Variants in PEAK1 observed in about 807,000 individuals in gnomAD.
PEAK1 encodes the protein inactive tyrosine-protein kinase PEAK1.
A neutral mutation model predicts 124.7 loss-of-function variants in PEAK1; 54 were observed. The observed-to-expected ratio is 0.43, with a 90% CI of 0.35 to 0.54. The LOEUF is 0.54. Among genes scored for constraint, PEAK1 ranks in the 20% least tolerant of loss-of-function variants. The pLI, the probability that PEAK1 is intolerant of heterozygous loss-of-function variation, is 0.01. For missense variants in PEAK1, 2,046 were observed against 2,134.5 expected, an observed-to-expected ratio of 0.96 and a Z score of 0.82; for synonymous variants, 719 against 760.0, an observed-to-expected ratio of 0.95 and a Z score of 0.89.
Position 77,125,284 on chromosome 15 carries a change from A to T in PEAK1, c.4077+7721T>A, listed in dbSNP as rs76733171. Among the ~76,000 whole-genome samples, 444 of 152,322 alleles carry T rather than the reference A, an allele frequency of 2.9e-3. 2 individuals carry two copies. The highest frequency in any genetic ancestry group is 0.01 in the African/African-American group (426 of 41,578). On this transcript the variant is annotated intron_variant, in intron 9 of 9. Transcript: ENST00000682557. The stretch of plus-strand genomic sequence containing the variant: ...AGGAAGCATGTTTTTGTTTAATTAT[A>T]CAACTGTCTCATGATAATGCAATGA...
chr15:77,184,957 G>A (rs1330293773), intron 6 of PEAK1, among the ~76,000 whole-genome samples: 1 of 152,114 alleles, frequency 6.6e-6, no homozygotes, highest in Admixed American at 6.6e-5. Flanking sequence ...CAATAAACCT[G>A]ACTTTAAAAA....
At chr15:77,413,133 TC>T (rs2072549948) in intron 1 of PEAK1, among the ~76,000 whole-genome samples, 1 of 152,210 alleles carries the variant, frequency 6.6e-6, no homozygotes. Flanking sequence ...GCAGGCAAGA[TC>T]CACTAATGAA....
At chr15:77,333,796 T>C in intron 2 of PEAK1, 1 of 843,360 alleles carries the variant, frequency 1.2e-6, no homozygotes, top group Non-Finnish European at 1.4e-6. Context: ...ATGGTTTTAA[T>C]CATTGCAGAT....
At chr15:77,283,018 A>T (rs7495998) in intron 5 of PEAK1, among the ~76,000 whole-genome samples, 2 of 152,194 alleles carry the variant, frequency 1.3e-5, no homozygotes, top group Non-Finnish European at 2.9e-5. Context: ...TATCATTTTG[A>T]ATTCCATGGA....
At chr15:77,287,587 T>C (rs1410751333) in intron 2 of PEAK1, among the ~76,000 whole-genome samples, 1 of 152,096 alleles carries the variant, frequency 6.6e-6, no homozygotes, top group Non-Finnish European at 1.5e-5. Flanking sequence ...CCTTTCCTCC[T>C]AGGGTTCAGT....
chr15:77,150,910 T>C (rs1018408194), intron 8 of PEAK1, among the ~76,000 whole-genome samples: 4 of 152,132 alleles, frequency 2.6e-5, no homozygotes, highest in South Asian at 2.1e-4. Flanking sequence ...TCCAATCTAT[T>C]GTTGTTGGAC....
intron 2 of PEAK1, among the ~76,000 whole-genome samples, chr15:77,291,276 C>T (rs1187333942): frequency 6.6e-6 from 1 of 152,156 alleles, no homozygotes. Flanking sequence ...CTGATATGAA[C>T]CAACATTTGT....
At chr15:77,337,456 T>C in intron 2 of PEAK1, 2 of 978,274 alleles carry the variant, frequency 2.0e-6, no homozygotes, top group Non-Finnish European at 2.4e-6. Context: ...AATTAATAGG[T>C]CTGTAACATC....
At chr15:77,363,355 G>A (rs2068022049) in intron 2 of PEAK1, among the ~76,000 whole-genome samples, 1 of 152,148 alleles carries the variant, frequency 6.6e-6, no homozygotes, top group Non-Finnish European at 1.5e-5. Flanking sequence ...CCTTCATTCA[G>A]AAGTCTCTGT....
intron 2 of PEAK1, among the ~76,000 whole-genome samples, chr15:77,314,935 T>C (rs971307537): frequency 6.6e-6 from 1 of 152,080 alleles, no homozygotes; most frequent in African/African-American, 2.4e-5. Flanking sequence ...GCTGAAAAAC[T>C]ACCTACTGGC....
intron 2 of PEAK1, among the ~76,000 whole-genome samples, chr15:77,316,526 T>G (rs924065826): frequency 5.3e-5 from 8 of 152,236 alleles, no homozygotes; most frequent in African/African-American, 1.9e-4. Flanking sequence ...TGTACTGCTC[T>G]TTCCTAGTGC....
At chr15:77,158,174 T>C in intron 8 of PEAK1, 1 of 198,056 alleles carries the variant, frequency 5.0e-6, no homozygotes. Flanking sequence ...CTCTGTGTAA[T>C]ATTAAAAATA....
intron 6 of PEAK1, among the ~76,000 whole-genome samples, chr15:77,182,293 T>G (rs2057315191): frequency 6.6e-6 from 1 of 152,174 alleles, no homozygotes; most frequent in Admixed American, 6.5e-5. Context: ...TCTGTTGCAA[T>G]GATTCTGTGA....
At chr15:77,228,958 T>A in intron 6 of PEAK1, among the ~76,000 whole-genome samples, 1 of 152,140 alleles carries the variant, frequency 6.6e-6, no homozygotes, top group East Asian at 1.9e-4. Context: ...GGGGACTCTT[T>A]ATGTGGCTTC....
At chr15:77,305,064 G>A (rs1472277938) in intron 2 of PEAK1, among the ~76,000 whole-genome samples, 1 of 151,514 alleles carries the variant, frequency 6.6e-6, no homozygotes, top group Non-Finnish European at 1.5e-5. Flanking sequence ...GATCTCTTGA[G>A]CCCAGGAGGT....
chr15:77,288,625 G>T (rs2063046843), intron 2 of PEAK1, among the ~76,000 whole-genome samples: 1 of 152,196 alleles, frequency 6.6e-6, no homozygotes, highest in South Asian at 2.1e-4. Flanking sequence ...TAATTGTTCA[G>T]ATTGTTGAAG....
At chr15:77,130,722 T>G (rs1009999055) in intron 9 of PEAK1, among the ~76,000 whole-genome samples, 1 of 152,352 alleles carries the variant, frequency 6.6e-6, no homozygotes, top group East Asian at 1.9e-4. Context: ...TAAGTTTACA[T>G]ATAGGGCTTT....
intron 2 of PEAK1, among the ~76,000 whole-genome samples, chr15:77,341,249 T>G (rs2066511939): frequency 6.6e-6 from 1 of 152,138 alleles, no homozygotes; most frequent in East Asian, 1.9e-4. Context: ...ACACCGCCTG[T>G]AATCCCAGTA....
At chr15:77,136,559 A>G (rs922804089) in intron 8 of PEAK1, among the ~76,000 whole-genome samples, 1 of 152,042 alleles carries the variant, frequency 6.6e-6, no homozygotes, top group Non-Finnish European at 1.5e-5. Flanking sequence ...CCAGCTACTC[A>G]GGAGGGTGAG....
Sources: gnomAD v4.1 joint callset for allele counts (sites outside exome capture counted in the v4.1 genomes callset) on GRCh38, gnomAD v4.1.1 for gene constraint, MANE v1.5 for transcripts, NCBI Gene and HGNC (gene_info 2026-07-23, HGNC 2026-07-21) for gene names.